Variants in IGSF6 observed in about 807,000 individuals in gnomAD.
IGSF6 encodes down-regulated by activation (immunoglobulin superfamily).
A neutral mutation model predicts 24.7 loss-of-function variants in IGSF6; 23 were observed. The ratio of observed to expected loss-of-function variants is 0.93; its 90% CI spans 0.67 to 1.32. The LOEUF (loss-of-function observed/expected upper bound fraction) is 1.32. Among genes scored for constraint, IGSF6 ranks in the 40% most tolerant of loss-of-function variants. IGSF6 has a pLI of 0.00. For synonymous variants in IGSF6, 110 were observed against 113.7 expected, an observed-to-expected ratio of 0.97 and a Z score of 0.21; for missense variants, 295 against 293.6, an observed-to-expected ratio of 1.00 and a Z score of -0.04.
intron 1 of IGSF6, among the ~76,000 whole-genome samples, chr16:21,650,055 C>T (rs935218091): frequency 3.9e-5 from 6 of 152,222 alleles, no homozygotes; most frequent in East Asian, 1.9e-4. Flanking sequence ...AGGCTGAGAC[C>T]GGAGGCTGAT....
chr16:21,646,309 T>G (rs1355961930), intron 2 of IGSF6: 1 of 152,184 alleles, frequency 6.6e-6, no homozygotes, highest in African/African-American at 2.4e-5. Context: ...AGTCATCACT[T>G]TCCGTTCACT....
intron 2 of IGSF6, among the ~76,000 whole-genome samples, chr16:21,645,569 A>G (rs1376869404): frequency 6.6e-6 from 1 of 152,230 alleles, no homozygotes; most frequent in Non-Finnish European, 1.5e-5. Flanking sequence ...CAACTAAAAT[A>G]AAAAAGCTTC....
Position 21,650,149 on chromosome 16 carries a change from A to G in IGSF6, c.67+2383T>C, listed in dbSNP as rs889851986. On this transcript the variant is annotated intron_variant, in intron 1 of 5. Coordinates refer to ENST00000268389, the MANE Select transcript of IGSF6 (RefSeq NM_005849.4). ...GGCAGCATTGTGAGTCCCTGTCTCT[A>G]TTAAAGGAATAGAGTCTGGACGTGC... Among the ~76,000 whole-genome samples the G allele has an allele frequency of 3.3e-5, 5 of 151,862 alleles. No individual in the cohort carries two copies. The East Asian group carries it at 5.8e-4, about 18-fold the overall frequency.
In IGSF6 at chr16:21,641,561, T is replaced by C. The variant is rs1335919354; in HGVS notation, c.699A>G (p.Arg233=). 6.3e-7 allele frequency: 1 copy of C among 1,592,324 alleles called. No homozygotes were observed. Among genetic ancestry groups the C allele is most frequent in the South Asian group, 1.1e-5 (1 of 89,566 alleles). ...ATGGCCTTTCATAGTTGGAAAGTACTCTTCTGTTTTCATAAGTGTTGTTAT... is the reference window on the plus strand; with the variant it reads ...ATGGCCTTTCATAGTTGGAAAGTACCCTTCTGTTTTCATAAGTGTTGTTAT... ...EKDNNTYENR[R]VLSNYERP The change falls in exon 6 of 6, where the codon AGA becomes AGG. Residue 233 remains arginine, a synonymous_variant. Transcript: ENST00000268389.
intron 1 of IGSF6, among the ~76,000 whole-genome samples, chr16:21,651,390 G>A (rs1966572091): frequency 6.6e-6 from 1 of 152,130 alleles, no homozygotes; most frequent in African/African-American, 2.4e-5. Context: ...AAAGTCCTGG[G>A]CTCAAGTGAT....
chr16:21,646,158 C>CTTTT (rs11415948), intron 2 of IGSF6, among the ~76,000 whole-genome samples: 7 of 150,514 alleles, frequency 4.7e-5, no homozygotes, highest in African/African-American at 1.7e-4. Flanking sequence ...GAAATTCCCC[C>CTTTT]TTTTTTTTTC....
Position 21,644,278 on chromosome 16 carries a change from G to T in IGSF6, c.534+12C>A, listed in dbSNP as rs756374074. On this transcript the variant is annotated intron_variant, in intron 3 of 5. Transcript: ENST00000268389. ...GATATAGGGACATTCCATGCAAGAG[G>T]ATTTGACTTACTTTGGAGAGGAGTA... 7 of 1,553,750 alleles carry T rather than the reference G, an allele frequency of 4.5e-6. No individual in the cohort carries two copies. The highest frequency in any genetic ancestry group is 5.3e-6 in the Non-Finnish European group (6 of 1,125,164).
At chr16:21,642,976 G>T in intron 5 of IGSF6, 98 bp downstream of exon 5, 2 of 750,492 alleles carry the variant, frequency 2.7e-6, no homozygotes. Context: ...AGACTCTTCT[G>T]AAGGAAAACA....
chr16:21,645,307 G>A (rs1029555021), intron 2 of IGSF6, among the ~76,000 whole-genome samples: 4 of 152,112 alleles, frequency 2.6e-5, no homozygotes, highest in African/African-American at 9.7e-5. Flanking sequence ...ACCAAAATTA[G>A]CTGGGCGTGG....
At position 21,640,964 on chromosome 16, in the gene IGSF6, TA is replaced by T. The variant is rs1966248585; in HGVS notation, c.*569del. ...TTCTGTATTTTGGCTTTTATGGTCT[TA>T]CTCTAGCCACTATATTATTCTCATT... On this transcript the variant is annotated 3_prime_UTR_variant, in exon 6 of 6. Transcript: ENST00000268389. 1.3e-5 allele frequency: 2 copies of T among 152,174 alleles called. No individual in the cohort carries two copies. Among genetic ancestry groups the T allele is most frequent in the Admixed American group, 1.3e-4 (2 of 15,274 alleles). The allele number at this position is 152,174 out of a possible 1,614,324, so 9.4% of individuals were successfully genotyped here. A position where few individuals can be genotyped will look rare whatever the true frequency, so the allele number is the denominator to read the frequency against.
In IGSF6 at chr16:21,647,137, T is replaced by TA; in HGVS notation, c.422dup (p.Arg142LysfsTer4). ...AATAAAGCCTCGCTGACTGACCTCT[T>TA]ACCACCAGTGTGGTCCCTCCTCCTG... is the stretch of plus-strand genomic sequence containing the variant. On this transcript the variant is annotated frameshift_variant, in exon 2 of 6. Transcript: ENST00000268389. LOFTEE classifies it high-confidence loss of function. 6.2e-7 allele frequency: 1 copy of TA among 1,614,202 alleles called. No individual in the cohort carries two copies. Among genetic ancestry groups the TA allele is most frequent in the Non-Finnish European group, 8.5e-7 (1 of 1,180,024 alleles).
Position 21,647,391 on chromosome 16 carries a change from C to T in IGSF6, c.169G>A (p.Gly57Arg), listed in dbSNP as rs370573910. 1.7e-5 allele frequency: 28 copies of T among 1,614,086 alleles called. No individual in the cohort carries two copies. Among genetic ancestry groups the T allele is most frequent in the African/African-American group, 1.2e-4 (9 of 74,988 alleles). The change falls in exon 2 of 6, where the codon GGA (glycine) becomes AGA (arginine). Residue 57 changes from glycine (G) to arginine (R), a missense_variant. Transcript: ENST00000268389. Reference protein sequence around the residue: ...VTIKCTFSATGCPSEQPTCLW... With the variant: ...VTIKCTFSATRCPSEQPTCLW... Reference sequence around the variant, plus strand: ...CATGTTGGTTGCTCAGAAGGGCATCCGGTTGCGGAGAAGGTACACTTTATG... The same window carrying T: ...CATGTTGGTTGCTCAGAAGGGCATCTGGTTGCGGAGAAGGTACACTTTATG...
intron 1 of IGSF6, 74 bp from the exon 2 acceptor site, chr16:21,647,566 A>G (rs756384305): frequency 1.5e-5 from 22 of 1,512,630 alleles, no homozygotes; most frequent in Non-Finnish European, 1.9e-5. Context: ...TTTTTGAGGT[A>G]GGAAACCCAG....
At chr16:21,648,078 C>T (rs1172407621) in intron 1 of IGSF6, among the ~76,000 whole-genome samples, 2 of 152,176 alleles carry the variant, frequency 1.3e-5, no homozygotes, top group Non-Finnish European at 2.9e-5. Flanking sequence ...GCAACATGTA[C>T]ACCTGTGGAA....
At chr16:21,650,508 CAAAAA>C (rs3046229) in intron 1 of IGSF6, among the ~76,000 whole-genome samples, 4 of 89,986 alleles carry the variant, frequency 4.4e-5, no homozygotes, top group African/African-American at 9.3e-5. Flanking sequence ...ACTCTTGTCT[CAAAAA>C]AAAAAAAAAA....
intron 1 of IGSF6, chr16:21,651,942 T>C (rs1966587417): frequency 6.6e-6 from 1 of 152,296 alleles, no homozygotes; most frequent in South Asian, 2.1e-4. Context: ...CATTTTGATA[T>C]ATTTCTTCAC....
In IGSF6 at chr16:21,645,101, C is replaced by T. The variant is rs181841982; in HGVS notation, c.428-705G>A. On this transcript the variant is annotated intron_variant, in intron 2 of 5. Coordinates refer to ENST00000268389, the MANE Select transcript of IGSF6 (RefSeq NM_005849.4). ...TTCAATTACCTGACTATTTGGAGTA[C>T]AAAATACAATTAGATTTGTACTTAC... 6.0e-4 allele frequency among the ~76,000 whole-genome samples: 92 copies of T among 152,248 alleles called. 1 individual carries two copies. The highest frequency in any genetic ancestry group is 2.0e-3 in the African/African-American group (84 of 41,542).
intron 1 of IGSF6, among the ~76,000 whole-genome samples, chr16:21,649,898 A>G (rs1419097983): frequency 2.6e-5 from 4 of 151,944 alleles, no homozygotes; most frequent in Admixed American, 6.6e-5. Context: ...TAGTAGAGAC[A>G]GGGTTTTGCG....
chr16:21,640,424 CTATCT>C lies in IGSF6; in HGVS notation c.*1105_*1109del, dbSNP rs1324734724. ...CATAAATATCCTTGTACCATGCCTC[CTATCT>C]GACATTTCCCTCCTAAATTGGTTAA... On this transcript the variant is annotated 3_prime_UTR_variant, in exon 6 of 6. Coordinates refer to ENST00000268389, the MANE Select transcript of IGSF6 (RefSeq NM_005849.4). 1 of 151,560 alleles carries C rather than the reference CTATCT, an allele frequency of 6.6e-6. No homozygotes were observed. The highest frequency in any genetic ancestry group is 6.6e-5 in the Admixed American group (1 of 15,208). 9.4% of individuals were successfully genotyped at this position (151,560 alleles called of 1,614,324 possible). A position where few individuals can be genotyped will look rare whatever the true frequency, so the allele number is the denominator to read the frequency against.
Sources: allele counts gnomAD v4.1 joint callset (sites outside exome capture counted in the v4.1 genomes callset), GRCh38; gene constraint gnomAD v4.1.1; transcripts MANE v1.5; gene names NCBI Gene and HGNC (gene_info 2026-07-23, HGNC 2026-07-21).